Variants in MCTP1 observed in about 807,000 individuals in gnomAD.
MCTP1 encodes the protein multiple C2 and transmembrane domain containing 1.
A neutral mutation model predicts 120.6 loss-of-function variants in MCTP1; 69 were observed. The ratio of observed to expected loss-of-function variants is 0.57; its 90% CI spans 0.47 to 0.70. The LOEUF (loss-of-function observed/expected upper bound fraction) is 0.70, where lower values mean the gene tolerates loss of function less well. Among genes scored for constraint, MCTP1 ranks in the 30% least tolerant of loss-of-function variants. The probability of loss-of-function intolerance (pLI) is 0.00; values close to 1 mark genes in which losing one functional copy is unlikely to be tolerated. For missense variants in MCTP1, 1,203 were observed against 1,248.8 expected, an observed-to-expected ratio of 0.96 and a Z score of 0.55; for synonymous variants, 529 against 493.1, an observed-to-expected ratio of 1.07 and a Z score of -0.96.
intron 1 of MCTP1, among the ~76,000 whole-genome samples, chr5:95,053,841 G>A (rs1395324839): frequency 2.0e-5 from 3 of 152,138 alleles, no homozygotes; most frequent in East Asian, 1.9e-4. Flanking sequence ...GAACCTTGAA[G>A]GGAAGATAGA....
intron 4 of MCTP1, among the ~76,000 whole-genome samples, chr5:94,940,785 C>T (rs1021440617): frequency 1.3e-5 from 2 of 151,108 alleles, no homozygotes; most frequent in African/African-American, 4.8e-5. Context: ...ACATTTACAA[C>T]TGCCTTATGA....
At chr5:94,895,428 A>T (rs1365275814) in intron 10 of MCTP1, among the ~76,000 whole-genome samples, 3 of 152,166 alleles carry the variant, frequency 2.0e-5, no homozygotes, top group Admixed American at 2.0e-4. Context: ...CTAAGAGGGG[A>T]TTTCTAATGT....
chr5:95,155,271 A>G (rs116257663), intron 1 of MCTP1, among the ~76,000 whole-genome samples: 2,450 of 152,244 alleles, frequency 0.016, 61 homozygotes, highest in African/African-American at 0.056. Context: ...TAGTAGAGGT[A>G]GATATTATAA....
intron 18 of MCTP1, among the ~76,000 whole-genome samples, chr5:94,783,743 A>G (rs1393324168): frequency 1.3e-5 from 2 of 152,088 alleles, no homozygotes; most frequent in Non-Finnish European, 2.9e-5. Flanking sequence ...CCCATGAATT[A>G]TTTTTAAAAC....
intron 1 of MCTP1, among the ~76,000 whole-genome samples, chr5:95,154,604 C>A (rs1261366414): frequency 6.6e-6 from 1 of 152,032 alleles, no homozygotes; most frequent in East Asian, 1.9e-4. Flanking sequence ...TAACTACAAA[C>A]CAAGAAAACT....
chr5:94,901,614 T>TA lies in MCTP1; in HGVS notation c.1653-6780dup, dbSNP rs369255829. Among the ~76,000 whole-genome samples the TA allele has an allele frequency of 3.6e-3, 528 of 144,730 alleles. 2 individuals are homozygous for TA. Among genetic ancestry groups the TA allele is most frequent in the South Asian group, 0.019 (86 of 4,610 alleles). 94.9% of individuals were successfully genotyped at this position (144,730 alleles called of 152,430 possible). A position where few individuals can be genotyped will look rare whatever the true frequency, so the allele number is the denominator to read the frequency against. On this transcript the variant is annotated intron_variant, in intron 10 of 22. Transcript: ENST00000515393. ...TATCAGAGCTTGAAGTTCTCTGCATTAAAAAAAAAAAACTATATACATTTG... is the reference window on the plus strand; with the variant it reads ...TATCAGAGCTTGAAGTTCTCTGCATTAAAAAAAAAAAAACTATATACATTTG...
intron 1 of MCTP1, among the ~76,000 whole-genome samples, chr5:95,026,339 A>T (rs2153684821): frequency 6.6e-6 from 1 of 152,248 alleles, no homozygotes; most frequent in East Asian, 1.9e-4. Context: ...GTACAATTAA[A>T]TTATTTTTTA....
rs560177527 is a variant in MCTP1, at chr5:94,878,721, G to A, written c.1934-5480C>T. Among the ~76,000 whole-genome samples, 5 of 152,122 alleles carry A rather than the reference G, an allele frequency of 3.3e-5. No homozygotes were observed. In the South Asian group the frequency reaches 1.0e-3, roughly 32 times the overall value. On this transcript the variant is annotated intron_variant, in intron 12 of 22. Coordinates refer to ENST00000515393, the MANE Select transcript of MCTP1 (RefSeq NM_024717.7). Reference sequence around the variant, plus strand: ...GTGCCAGGCCATATGAACAGAAAAGGGAAATGTGTCTGCTGTCTTCAAATT... The same window carrying A: ...GTGCCAGGCCATATGAACAGAAAAGAGAAATGTGTCTGCTGTCTTCAAATT...
chr5:95,128,925 GGGGA>G (rs1232389653), intron 1 of MCTP1, among the ~76,000 whole-genome samples: 1 of 152,124 alleles, frequency 6.6e-6, no homozygotes, highest in East Asian at 1.9e-4. Context: ...GTGGCAACCT[GGGGA>G]ACACCAACAT....
intron 1 of MCTP1, among the ~76,000 whole-genome samples, chr5:95,121,848 T>G (rs1310303442): frequency 6.6e-6 from 1 of 151,010 alleles, no homozygotes; most frequent in African/African-American, 2.4e-5. Context: ...TATAGTGAAT[T>G]CATTTTTGAC....
At chr5:94,767,456 A>G (rs770176869) in intron 19 of MCTP1, among the ~76,000 whole-genome samples, 1 of 152,186 alleles carries the variant, frequency 6.6e-6, no homozygotes, top group Non-Finnish European at 1.5e-5. Context: ...AAATTGGAAA[A>G]AAAGGAAGTC....
chr5:94,936,395 A>G (rs1164986296), intron 5 of MCTP1, among the ~76,000 whole-genome samples: 5 of 152,046 alleles, frequency 3.3e-5, no homozygotes, highest in Non-Finnish European at 7.4e-5. Context: ...AACACTGAAG[A>G]AAGCCTGGAC....
chr5:94,895,895 T>G (rs1190973805), intron 10 of MCTP1, among the ~76,000 whole-genome samples: 1 of 152,138 alleles, frequency 6.6e-6, no homozygotes, highest in Non-Finnish European at 1.5e-5. Context: ...AAGAGGAATA[T>G]TGATGTAAGA....
At position 94,811,912 on chromosome 5, in the gene MCTP1, C is replaced by A. The variant is rs1231521847; in HGVS notation, c.2437-12780G>T. On this transcript the variant is annotated intron_variant, in intron 17 of 22. Coordinates refer to ENST00000515393, the MANE Select transcript of MCTP1 (RefSeq NM_024717.7). ...TTTCACTTCATTGACATGGAGATGC[C>A]GAGATGTATTATCTTTCAGGCATTT... Among the ~76,000 whole-genome samples, 4 of 151,992 alleles carry A rather than the reference C, an allele frequency of 2.6e-5. No homozygotes were observed. The East Asian group carries it at 7.7e-4, about 29-fold the overall frequency.
chr5:95,137,425 C>T lies in MCTP1; in HGVS notation c.721-119941G>A, dbSNP rs149888549. 5.8e-3 allele frequency among the ~76,000 whole-genome samples: 891 copies of T among 152,344 alleles called. 32 individuals are homozygous for T. The highest frequency in any genetic ancestry group is 0.054 in the Admixed American group (821 of 15,312). On this transcript the variant is annotated intron_variant, in intron 1 of 22. Coordinates refer to ENST00000515393, the MANE Select transcript of MCTP1 (RefSeq NM_024717.7). ...AAAACACTTTGTACCATGCCTAGCA[C>T]ACAGTAAGTGCTCAATACATATCAT...
At chr5:95,214,543 C>T (rs1477546026) in intron 1 of MCTP1, among the ~76,000 whole-genome samples, 1 of 152,132 alleles carries the variant, frequency 6.6e-6, no homozygotes, top group Non-Finnish European at 1.5e-5. Context: ...ATAAATCATG[C>T]TGCTATAAAG....
chr5:95,124,314 C>A (rs1288094784), intron 1 of MCTP1, among the ~76,000 whole-genome samples: 1 of 152,186 alleles, frequency 6.6e-6, no homozygotes, highest in Non-Finnish European at 1.5e-5. Context: ...TAAAGATGAG[C>A]GAGCTGACAG....
intron 1 of MCTP1, among the ~76,000 whole-genome samples, chr5:95,245,464 G>C (rs1405761093): frequency 6.6e-6 from 1 of 152,170 alleles, no homozygotes; most frequent in East Asian, 1.9e-4. Context: ...AGAATAAACA[G>C]TGTAGAGAAG....
chr5:94,747,762 T>G (rs1432819687), intron 19 of MCTP1, among the ~76,000 whole-genome samples: 1 of 151,920 alleles, frequency 6.6e-6, no homozygotes, highest in East Asian at 1.9e-4. Context: ...ACTAACTGGA[T>G]GGGGGTAATT....
Sources: gnomAD v4.1 joint callset for allele counts (sites outside exome capture counted in the v4.1 genomes callset) on GRCh38, gnomAD v4.1.1 for gene constraint, MANE v1.5 for transcripts, NCBI Gene and HGNC (gene_info 2026-07-23, HGNC 2026-07-21) for gene names.